The following ARHGAP23 variants were observed in gnomAD, a reference collection of about 807,000 sequenced individuals.
ARHGAP23 encodes Rho GTPase activating protein 23, also known as rho GTPase-activating protein 23.
In ARHGAP23, 34 loss-of-function variants were observed where a neutral mutation model predicts 136.3. That is an observed-to-expected ratio of 0.25 (90% CI 0.19 to 0.33). The LOEUF (loss-of-function observed/expected upper bound fraction) is 0.33, where lower values mean the gene tolerates loss of function less well. Ranked by LOEUF, ARHGAP23 falls within the 10% of genes least tolerant of loss-of-function variation. The probability of loss-of-function intolerance (pLI) is 1.00; values close to 1 mark genes in which losing one functional copy is unlikely to be tolerated. For synonymous variants in ARHGAP23, 832 were observed against 920.5 expected, an observed-to-expected ratio of 0.90 and a Z score of 1.74; for missense variants, 1,808 against 2,139.0, an observed-to-expected ratio of 0.85 and a Z score of 3.05.
intron 1 of ARHGAP23, among the ~76,000 whole-genome samples, chr17:38,420,310 C>G (rs975342733): frequency 3.3e-5 from 5 of 152,230 alleles, no homozygotes; most frequent in African/African-American, 4.8e-5. Flanking sequence ...ACTCCCTTCC[C>G]AACCCCCACT....
At position 38,463,129 on chromosome 17, in the gene ARHGAP23, G is replaced by T. The variant is rs978032430; in HGVS notation, c.361G>T (p.Val121Leu). Residue 121 changes from valine (V) to leucine (L), a missense_variant, in exon 5 of 24, where the codon GTA becomes TTA. Coordinates refer to ENST00000622683, the MANE Select transcript of ARHGAP23 (RefSeq NM_001199417.2). ...RAGLRTGDRLVKVNGESVIGK... is the reference protein window; with the variant it reads ...RAGLRTGDRLLKVNGESVIGK... ...CTCCTTGTCCCCAGGAGACCGGCTG[G>T]TAAAGGTGAATGGGGAAAGCGTCAT... 26 of 1,551,482 alleles carry T rather than the reference G, an allele frequency of 1.7e-5. No individual in the cohort carries two copies. Among genetic ancestry groups the T allele is most frequent in the Non-Finnish European group, 2.3e-5 (26 of 1,146,868 alleles).
At chr17:38,495,154 A>G (rs2040363259) in intron 20 of ARHGAP23, among the ~76,000 whole-genome samples, 1 of 152,336 alleles carries the variant, frequency 6.6e-6, no homozygotes, top group African/African-American at 2.4e-5. Context: ...AAATAGACTT[A>G]CAGAGGGAAA....
chr17:38,476,690 A>C lies in ARHGAP23; in HGVS notation c.2119-889A>C, dbSNP rs2039899548. ...GGAGAGGAGAGGAGAGTCAGGACAAAGTTCTGGAGCTCCGCCTCCTTTAGG... is the reference window on the plus strand; with the variant it reads ...GGAGAGGAGAGGAGAGTCAGGACAACGTTCTGGAGCTCCGCCTCCTTTAGG... On this transcript the variant is annotated intron_variant, in intron 11 of 23. Transcript: ENST00000622683. Among the ~76,000 whole-genome samples, 4 of 152,110 alleles carry C rather than the reference A, an allele frequency of 2.6e-5. No homozygotes were observed. In the South Asian group the frequency reaches 8.3e-4, roughly 32 times the overall value.
At chr17:38,480,803 C>CAAAAA (rs764004002) in intron 14 of ARHGAP23, among the ~76,000 whole-genome samples, 1 of 48,232 alleles carries the variant, frequency 2.1e-5, no homozygotes, top group African/African-American at 7.7e-5. Context: ...GACCCTGTCT[C>CAAAAA]AAAAAAAAAA....
In ARHGAP23 at chr17:38,497,184, T is replaced by C. The variant is rs1213556830; in HGVS notation, c.3277-601T>C. Among the ~76,000 whole-genome samples, 3 of 152,216 alleles carry C rather than the reference T, an allele frequency of 2.0e-5. No individual in the cohort carries two copies. The East Asian group carries it at 5.8e-4, about 29-fold the overall frequency. On this transcript the variant is annotated intron_variant, in intron 20 of 23. Transcript: ENST00000622683. ...CAAGATTCTCAAATTTTACAAAATA[T>C]ATTAAACTGTGGGGGTCTTTATTTT...
At chr17:38,475,108 G>A (rs922703782) in intron 11 of ARHGAP23, among the ~76,000 whole-genome samples, 2 of 152,222 alleles carry the variant, frequency 1.3e-5, no homozygotes, top group African/African-American at 4.8e-5. Flanking sequence ...TGGCCTGGAC[G>A]TTAGAGGAGA....
chr17:38,492,913 G>A (rs2040309347), intron 20 of ARHGAP23, among the ~76,000 whole-genome samples: 1 of 152,246 alleles, frequency 6.6e-6, no homozygotes, highest in Non-Finnish European at 1.5e-5. Flanking sequence ...GGAAGAATGG[G>A]TGTCTGGCCC....
intron 20 of ARHGAP23, among the ~76,000 whole-genome samples, chr17:38,495,235 T>G (rs867558082): frequency 1.2e-4 from 17 of 143,598 alleles, no homozygotes; most frequent in African/African-American, 4.5e-4. Flanking sequence ...TTTCTTTTTT[T>G]TTTTTTTTTT....
chr17:38,466,463 C>T lies in ARHGAP23; in HGVS notation c.780C>T (p.Leu260=). Residue 260 remains leucine, a synonymous_variant, in exon 7 of 24, where the codon CTC becomes CTT. Coordinates refer to ENST00000622683, the MANE Select transcript of ARHGAP23 (RefSeq NM_001199417.2). ...CCAGCCCTGGTGCCTTCCCCCACCT[C>T]TCCTCGGAGCCCCGGACGCCCCGTG... ...PRPSPGAFPH[L]SSEPRTPRAF... is the part of the protein sequence containing the mutation. 2.0e-6 allele frequency: 3 copies of T among 1,521,584 alleles called. No individual in the cohort carries two copies. Among genetic ancestry groups the T allele is most frequent in the Non-Finnish European group, 2.6e-6 (3 of 1,137,332 alleles). 94.3% of individuals were successfully genotyped at this position (1,521,584 alleles called of 1,614,324 possible).
chr17:38,506,013 T>C (rs985052478), intron 23 of ARHGAP23, among the ~76,000 whole-genome samples: 8 of 152,186 alleles, frequency 5.3e-5, no homozygotes. Context: ...TCAAGGAGTT[T>C]ATGGACCCCC....
upstream of ARHGAP23, among the ~76,000 whole-genome samples, chr17:38,424,342 T>G (rs2038549179): frequency 6.6e-6 from 1 of 152,136 alleles, no homozygotes; most frequent in African/African-American, 2.4e-5. Flanking sequence ...CACACCCACC[T>G]GTGCTGCCTG....
intron 1 of ARHGAP23, among the ~76,000 whole-genome samples, chr17:38,447,440 A>G (rs1283477206): frequency 2.1e-5 from 3 of 140,130 alleles, no homozygotes; most frequent in African/African-American, 8.0e-5. Context: ...TCCGTCTGAA[A>G]AAAAAAAAAA....
intron 1 of ARHGAP23, among the ~76,000 whole-genome samples, chr17:38,422,651 C>T (rs542788117): frequency 6.6e-6 from 1 of 152,154 alleles, no homozygotes; most frequent in Admixed American, 6.5e-5. Context: ...TGCAGCCTCT[C>T]GCTCCCGCCG....
rs760296483 is a variant in ARHGAP23 at position 38,477,915 on chromosome 17, C to T, written c.2436+19C>T. ...GGGCGAGGTGAGGGCCCGGCCAGCC[C>T]GGCAGCCACAGAGGGCGGGCGGGGT... On this transcript the variant is annotated intron_variant, in intron 12 of 23. Transcript: ENST00000622683. The surrounding 1 kb of genome is among the most constrained non-coding windows in gnomAD (Gnocchi z 6.6). The T allele has an allele frequency of 2.8e-5, 44 of 1,547,318 alleles. No individual in the cohort carries two copies. Among genetic ancestry groups the T allele is most frequent in the Middle Eastern group, 2.3e-4 (1 of 4,410 alleles).
chr17:38,463,416 C>T (rs937160818), intron 6 of ARHGAP23, 34 bp downstream of exon 6: 1 of 1,551,194 alleles, frequency 6.4e-7, no homozygotes. Context: ...AGAGGAGACC[C>T]CTGAGCCCTG....
upstream of ARHGAP23, among the ~76,000 whole-genome samples, chr17:38,424,095 C>T (rs576868314): frequency 2.0e-5 from 3 of 152,158 alleles, no homozygotes; most frequent in East Asian, 1.9e-4. Context: ...GGGGCTGGGG[C>T]GCAGGGAGGG....
In ARHGAP23 at chr17:38,463,540, C is replaced by T. The variant is rs148982450; in HGVS notation, c.483+158C>T. On this transcript the variant is annotated intron_variant, in intron 6 of 23. Transcript: ENST00000622683. ...CCTGGGCTGGGGCTGGTTGTTGCTT[C>T]ATTCGGAGCTGCTCTGTGCTGGGGG... Among the ~76,000 whole-genome samples, 694 of 152,292 alleles carry T rather than the reference C, an allele frequency of 4.6e-3. 37 individuals carry two copies. The East Asian group carries it at 0.1, about 23-fold the overall frequency.
At chr17:38,473,803 G>A (rs2039823711) in intron 11 of ARHGAP23, among the ~76,000 whole-genome samples, 1 of 151,996 alleles carries the variant, frequency 6.6e-6, no homozygotes, top group African/African-American at 2.4e-5. Flanking sequence ...GGGTCCTGGG[G>A]AGAGGGGTGC....
At chr17:38,496,175 G>A (rs984966282) in intron 20 of ARHGAP23, among the ~76,000 whole-genome samples, 19 of 152,206 alleles carry the variant, frequency 1.2e-4, no homozygotes, top group African/African-American at 4.3e-4. Context: ...TGGGATTACA[G>A]ATGTGAGTCA....
Sources: allele counts gnomAD v4.1 joint callset (sites outside exome capture counted in the v4.1 genomes callset), GRCh38; gene constraint gnomAD v4.1.1; non-coding constraint Gnocchi (gnomAD v3.1); transcripts MANE v1.5; gene names NCBI Gene and HGNC (gene_info 2026-07-23, HGNC 2026-07-21).